Variants in POLK observed in about 807,000 individuals in gnomAD.
POLK encodes polymerase (DNA directed) kappa.
In POLK, 76 loss-of-function variants were observed where a neutral mutation model predicts 94.0. The ratio of observed to expected loss-of-function variants is 0.81; its 90% CI spans 0.67 to 0.98. The LOEUF (loss-of-function observed/expected upper bound fraction) is 0.98, where lower values mean the gene tolerates loss of function less well. Among genes scored for constraint, POLK ranks in the 50% least tolerant of loss-of-function variants. The pLI is 0.00. For missense variants in POLK, 954 were observed against 1,010.1 expected (o/e 0.94, Z 0.75); for synonymous variants, 349 against 325.4 (o/e 1.07, Z -0.78).
In POLK at chr5:75,573,893, T is replaced by A. The variant is rs1464808471; in HGVS notation, c.540+24T>A. The A allele has an allele frequency of 7.4e-6, 12 of 1,611,488 alleles. No homozygotes were observed. The South Asian group carries it at 1.3e-4, about 18-fold the overall frequency. On this transcript the variant is annotated intron_variant, in intron 5 of 14. Transcript: ENST00000241436. ...AGGTAAGTTAATGTCTCACCCCTAC[T>A]TTAGGCTTTCACTGAGTTCCTGTCA...
At chr5:75,538,769 T>TA (rs1336920598) in intron 1 of POLK, 1 of 152,186 alleles carries the variant, frequency 6.6e-6, no homozygotes, top group Non-Finnish European at 1.5e-5. Context: ...TTTTATTTTT[T>TA]TTTTATTTAT....
At chr5:75,562,572 A>C (rs113354358) in intron 3 of POLK, among the ~76,000 whole-genome samples, 12,490 of 152,216 alleles carry the variant, frequency 0.082, 584 homozygotes, top group South Asian at 0.12. Flanking sequence ...GAGAGAGGAC[A>C]TCCTTGTCTA....
downstream of POLK, among the ~76,000 whole-genome samples, chr5:75,604,969 G>A (rs145550081): frequency 8.2e-4 from 125 of 152,198 alleles, no homozygotes; most frequent in African/African-American, 2.9e-3. Context: ...TTACCAGTAC[G>A]AGGTAATTGT....
chr5:75,530,245 C>CTTTTTTTTT (rs575507126), intron 1 of POLK, among the ~76,000 whole-genome samples: 14 of 95,942 alleles, frequency 1.5e-4, no homozygotes, highest in Non-Finnish European at 2.1e-4. Flanking sequence ...ATTTGTATTT[C>CTTTTTTTTT]TTTTTTTTTT....
chr5:75,585,619 G>A (rs905696784), intron 9 of POLK, among the ~76,000 whole-genome samples: 2 of 151,986 alleles, frequency 1.3e-5, no homozygotes, highest in African/African-American at 4.8e-5. Context: ...AAATACCCTG[G>A]GTTTTCTTCC....
chr5:75,575,357 T>G (rs1419530618), intron 5 of POLK, among the ~76,000 whole-genome samples: 1 of 152,082 alleles, frequency 6.6e-6, no homozygotes, highest in Non-Finnish European at 1.5e-5. Flanking sequence ...TTTTAAAATT[T>G]TTTTGCAGAG....
chr5:75,537,848 T>A (rs1012137706), intron 1 of POLK, among the ~76,000 whole-genome samples: 1 of 152,056 alleles, frequency 6.6e-6, no homozygotes, highest in African/African-American at 2.4e-5. Flanking sequence ...TTTTTTATTT[T>A]TTTATTTTTA....
At chr5:75,553,435 T>C (rs1770429046) in intron 3 of POLK, among the ~76,000 whole-genome samples, 1 of 152,182 alleles carries the variant, frequency 6.6e-6, no homozygotes, top group Non-Finnish European at 1.5e-5. Context: ...GATCATAAAT[T>C]TTATGTTTTC....
At chr5:75,527,755 G>A (rs1376229435) in intron 1 of POLK, among the ~76,000 whole-genome samples, 1 of 152,102 alleles carries the variant, frequency 6.6e-6, no homozygotes, top group African/African-American at 2.4e-5. Flanking sequence ...AGGCTGATAG[G>A]TAAGAAGGTA....
intron 1 of POLK, among the ~76,000 whole-genome samples, chr5:75,521,579 C>T (rs899211492): frequency 4.6e-5 from 7 of 152,130 alleles, no homozygotes; most frequent in Admixed American, 6.5e-5. Context: ...ATCACTCTCT[C>T]GTTAGGGTTA....
In POLK at chr5:75,520,391, A is replaced by G. The variant is rs535299725; in HGVS notation, c.-14+8477A>G. Among the ~76,000 whole-genome samples the G allele has an allele frequency of 1.1e-3, 169 of 152,194 alleles. 2 individuals are homozygous for G. The highest frequency in any genetic ancestry group is 3.9e-3 in the African/African-American group (161 of 41,544). ...GTACTTACCTTTACCAGAGGATTTT[A>G]TTTATTTTATTTTTGTTTTCAGAGA... On this transcript the variant is annotated intron_variant, in intron 1 of 14. Coordinates refer to ENST00000241436, the Ensembl canonical transcript of POLK.
chr5:75,511,282 G>T (rs143317974), upstream of POLK: 5 of 1,578,538 alleles, frequency 3.2e-6, no homozygotes, highest in Admixed American at 1.9e-5. Flanking sequence ...AGTCCTCGGG[G>T]TGAAGGGTCG....
At chr5:75,590,289 A>T in intron 10 of POLK, 55 bp from the exon 11 acceptor site, 1 of 959,414 alleles carries the variant, frequency 1.0e-6, no homozygotes, top group Non-Finnish European at 1.6e-6. Context: ...ACCATTTCCA[A>T]ATTATCCTGG....
intron 1 of POLK, among the ~76,000 whole-genome samples, chr5:75,539,603 C>G (rs1195364999): frequency 6.6e-6 from 1 of 151,950 alleles, no homozygotes; most frequent in Non-Finnish European, 1.5e-5. Context: ...TTCAGAGATA[C>G]TCCCACTTCA....
intron 2 of POLK, among the ~76,000 whole-genome samples, chr5:75,549,006 A>C (rs1268782706): frequency 6.6e-6 from 1 of 152,130 alleles, no homozygotes; most frequent in African/African-American, 2.4e-5. Context: ...GAATGGCTAA[A>C]TATCTTGATA....
intron 3 of POLK, among the ~76,000 whole-genome samples, chr5:75,559,552 G>A (rs1275605782): frequency 1.1e-4 from 7 of 61,452 alleles, no homozygotes; most frequent in South Asian, 5.3e-4. Flanking sequence ...TTTTTTTTTA[G>A]AGACAGGGTC....
intron 7 of POLK, chr5:75,582,037 T>C (rs1284879560): frequency 4.1e-6 from 4 of 980,764 alleles, no homozygotes; most frequent in Non-Finnish European, 4.9e-6. Context: ...TGGTTTTGCA[T>C]GTAATAACTT....
At chr5:75,549,603 C>T (rs1770236377) in intron 2 of POLK, among the ~76,000 whole-genome samples, 1 of 151,774 alleles carries the variant, frequency 6.6e-6, no homozygotes, top group Non-Finnish European at 1.5e-5. Flanking sequence ...AATATATATT[C>T]CTCTAGTGCA....
downstream of POLK, among the ~76,000 whole-genome samples, chr5:75,602,944 G>A (rs537272475): frequency 3.7e-4 from 57 of 152,210 alleles, no homozygotes; most frequent in Admixed American, 2.3e-3. Flanking sequence ...CGCAAGGTCA[G>A]TGTCCCCACT....
Sources: allele counts gnomAD v4.1 joint callset (sites outside exome capture counted in the v4.1 genomes callset), GRCh38; gene constraint gnomAD v4.1.1; transcripts MANE v1.5; gene names NCBI Gene and HGNC (gene_info 2026-07-23, HGNC 2026-07-21).